The following CSTPP1 variants were observed in gnomAD, a reference collection of about 807,000 sequenced individuals.
The protein encoded by CSTPP1 is UPF0705 protein C11orf49.
chr11:47,162,018 A>G, the CSTPP1 span: 1 of 1,011,012 alleles, frequency 9.9e-7, no homozygotes. Flanking sequence ...AAGGGGGAGA[A>G]CCCGAATAGC....
chr11:47,124,440 C>T, the CSTPP1 span, among the ~76,000 whole-genome samples: 1 of 151,996 alleles, frequency 6.6e-6, no homozygotes, highest in East Asian at 1.9e-4. Flanking sequence ...TTAAAAAATC[C>T]TTTGATGTCT....
chr11:47,107,855 T>TC, the CSTPP1 span, among the ~76,000 whole-genome samples: 50,237 of 151,842 alleles, frequency 0.33, 8,826 homozygotes, highest in East Asian at 0.7. Flanking sequence ...TCGGTACAAT[T>TC]CCCCCCCAGT....
the CSTPP1 span, chr11:47,137,300 T>TTTAACC: frequency 7.5e-7 from 1 of 1,337,042 alleles, no homozygotes; most frequent in South Asian, 1.2e-5. Context: ...GGCTTTGAAA[T>TTTAACC]GACTTGTTCT....
chr11:47,159,466 C>T, the CSTPP1 span, among the ~76,000 whole-genome samples: 1,253 of 151,956 alleles, frequency 8.2e-3, 10 homozygotes, highest in Non-Finnish European at 0.013. Flanking sequence ...GCCGAGATCA[C>T]GCCATTGCAC....
At chr11:47,154,587 C>G in the CSTPP1 span, 1 of 153,220 alleles carries the variant, frequency 6.5e-6, no homozygotes, top group Non-Finnish European at 1.5e-5. Context: ...TTTTGACCCT[C>G]ACAAGTGCAG....
At chr11:47,139,625 T>C in the CSTPP1 span, among the ~76,000 whole-genome samples, 1 of 151,288 alleles carries the variant, frequency 6.6e-6, no homozygotes, top group Non-Finnish European at 1.5e-5. Context: ...AGTGAGCCGA[T>C]TGTGCCACTG....
At chr11:47,135,476 A>T in the CSTPP1 span, among the ~76,000 whole-genome samples, 2 of 152,334 alleles carry the variant, frequency 1.3e-5, no homozygotes, top group East Asian at 3.9e-4. Context: ...TGATTTTGAA[A>T]TAAGTCTTAC....
chr11:46,987,310 A>G, the CSTPP1 span: 1 of 1,611,952 alleles, frequency 6.2e-7, no homozygotes, highest in Non-Finnish European at 8.5e-7. Flanking sequence ...TTCACTGAAT[A>G]GTAAGTACAT....
At chr11:46,981,580 C>T in the CSTPP1 span, among the ~76,000 whole-genome samples, 2 of 151,946 alleles carry the variant, frequency 1.3e-5, no homozygotes, top group African/African-American at 2.4e-5. Context: ...CTAGATAATA[C>T]AACGTAAGAT....
At chr11:47,145,388 G>A in the CSTPP1 span, among the ~76,000 whole-genome samples, 4 of 151,968 alleles carry the variant, frequency 2.6e-5, no homozygotes, top group Middle Eastern at 3.4e-3. Flanking sequence ...TCAGGAGTTC[G>A]AGACCAGCCT....
the CSTPP1 span, among the ~76,000 whole-genome samples, chr11:46,942,748 G>A: frequency 6.6e-6 from 1 of 151,896 alleles, no homozygotes. Flanking sequence ...ACTCTTACTG[G>A]TCCCAATTAG....
At chr11:47,158,029 T>G in the CSTPP1 span, 1 of 984,162 alleles carries the variant, frequency 1.0e-6, no homozygotes, top group Non-Finnish European at 1.6e-6. Flanking sequence ...TCACCATCTC[T>G]GCCTTGACTT....
the CSTPP1 span, chr11:47,161,930 A>C: frequency 8.7e-7 from 1 of 1,151,316 alleles, no homozygotes; most frequent in Non-Finnish European, 1.1e-6. Context: ...AGTCCTCCTA[A>C]CCTCTTAAGA....
At chr11:47,038,142 C>T in the CSTPP1 span, among the ~76,000 whole-genome samples, 7 of 28,614 alleles carry the variant, frequency 2.4e-4, 1 homozygote, top group African/African-American at 3.5e-4. Context: ...GCGGCTGGCC[C>T]GGGCGGGGGG....
chr11:47,062,017 C>T, the CSTPP1 span, among the ~76,000 whole-genome samples: 1 of 152,078 alleles, frequency 6.6e-6, no homozygotes, highest in Non-Finnish European at 1.5e-5. Flanking sequence ...CTCCTCAACC[C>T]TCCATACATA....
chr11:47,081,106 A>G, the CSTPP1 span, among the ~76,000 whole-genome samples: 1 of 152,162 alleles, frequency 6.6e-6, no homozygotes, highest in Non-Finnish European at 1.5e-5. Flanking sequence ...AGACTTGGAC[A>G]TATGGAAAGG....
chr11:47,003,565 G>A, the CSTPP1 span, among the ~76,000 whole-genome samples: 1,353 of 152,060 alleles, frequency 8.9e-3, 19 homozygotes, highest in African/African-American at 0.029. Context: ...TGTCTCTCAG[G>A]ATCCTTCAGG....
At chr11:46,939,824 CT>C in the CSTPP1 span, among the ~76,000 whole-genome samples, 1 of 151,988 alleles carries the variant, frequency 6.6e-6, no homozygotes, top group Non-Finnish European at 1.5e-5. Context: ...ACAGTGCATA[CT>C]TTTTCATTTA....
the CSTPP1 span, among the ~76,000 whole-genome samples, chr11:47,019,485 A>C: frequency 2.0e-5 from 3 of 152,264 alleles, no homozygotes; most frequent in South Asian, 6.2e-4. Context: ...CTTTCACTTG[A>C]ACACTTAGAG....
Sources: gnomAD v4.1 joint callset for allele counts (sites outside exome capture counted in the v4.1 genomes callset) on GRCh38, gnomAD v4.1.1 for gene constraint, MANE v1.5 for transcripts, NCBI Gene and HGNC (gene_info 2026-07-23, HGNC 2026-07-21) for gene names.